NUDT14: variants seen among roughly 807,000 people sequenced by gnomAD.
The protein encoded by NUDT14 is nudix hydrolase 14, also known as uridine diphosphate glucose pyrophosphatase NUDT14.
In NUDT14, 22 loss-of-function variants were observed where a neutral mutation model predicts 17.5. The observed-to-expected ratio is 1.26, with a 90% CI of 0.90 to 1.80. The LOEUF (loss-of-function observed/expected upper bound fraction) is 1.80, where lower values mean the gene tolerates loss of function less well. NUDT14 is among the 40% of genes most tolerant of loss of function. NUDT14 has a pLI of 0.00. For missense variants in NUDT14, 296 were observed against 295.6 expected (o/e 1.00, Z -0.01); for synonymous variants, 129 against 125.8 (o/e 1.03, Z -0.17).
At chr14:105,178,290 G>A (rs1889259564) in intron 1 of NUDT14, among the ~76,000 whole-genome samples, 1 of 152,086 alleles carries the variant, frequency 6.6e-6, no homozygotes, top group African/African-American at 2.4e-5. Context: ...CCCCAGCCAG[G>A]TAGGAGATCG....
Position 105,173,204 on chromosome 14 carries a change from A to G in NUDT14, c.486T>C (p.Asp162=), listed in dbSNP as rs1595197564. The change falls in exon 5 of 5, where the codon GAT becomes GAC. Residue 162 remains aspartate, a synonymous_variant. Transcript: ENST00000392568. This position sits in a 1 kb window ranked among gnomAD's most constrained non-coding sequence, Gnocchi z 4.7. ...RQTMFYTEVT[D]AQRSGPGGGL... is the part of the protein sequence containing the mutation. ...CCCCACCTGGACCGCTACGCTGGGC[A>G]TCTGTCACCTCTGTGTAGAACATGG... The G allele has an allele frequency of 2.5e-6, 4 of 1,609,498 alleles. No homozygotes were observed. The highest frequency in any genetic ancestry group is 3.4e-6 in the Non-Finnish European group (4 of 1,178,548).
Position 105,176,985 on chromosome 14 carries a change from C to T in NUDT14, c.168G>A (p.Val56=), listed in dbSNP as rs1295708532. The change falls in exon 3 of 5, where the codon GTG becomes GTA. Residue 56 remains valine (V), a synonymous_variant. Coordinates refer to ENST00000392568, the MANE Select transcript of NUDT14 (RefSeq NM_177533.5). ...LLFNSSRRSL[V]LVKQFRPAVY... Reference sequence around the variant, plus strand: ...CACCTGGCCGGAACTGCTTCACCAACACCAGGCTCCTCCGAGAAGAGTTGA... The same window carrying T: ...CACCTGGCCGGAACTGCTTCACCAATACCAGGCTCCTCCGAGAAGAGTTGA... 6 of 1,612,072 alleles carry T rather than the reference C, an allele frequency of 3.7e-6. No individual in the cohort carries two copies. Among genetic ancestry groups the T allele is most frequent in the South Asian group, 1.1e-5 (1 of 90,956 alleles).
Position 105,173,103 on chromosome 14 carries a change from G to A in NUDT14, c.587C>T (p.Pro196Leu), listed in dbSNP as rs753782011. The A allele has an allele frequency of 9.4e-6, 15 of 1,589,462 alleles. No homozygotes were observed. The highest frequency in any genetic ancestry group is 6.8e-5 in the African/African-American group (5 of 73,962). The change falls in exon 5 of 5, where the codon CCG becomes CTG. Residue 196 changes from proline (P) to leucine (L), a missense_variant. By Grantham distance (98) the Pro-to-Leu change is moderately conservative. Transcript: ENST00000392568. This position sits in a 1 kb window ranked among gnomAD's most constrained non-coding sequence, Gnocchi z 4.7. ...LEGAQAFADDPDIPKTLGVIF... is the reference protein window; with the variant it reads ...LEGAQAFADDLDIPKTLGVIF... ...GACGCCGAGGGTCTTGGGGATGTCC[G>A]GGTCGTCTGCAAAGGCCTGGGCGCC... is the stretch of plus-strand genomic sequence containing the variant.
At chr14:105,180,321 C>T (rs1889300162) in intron 1 of NUDT14, among the ~76,000 whole-genome samples, 1 of 152,114 alleles carries the variant, frequency 6.6e-6, no homozygotes, top group Non-Finnish European at 1.5e-5. Context: ...AAACATTAGC[C>T]AGGTGTGGTG....
At position 105,173,995 on chromosome 14, in the gene NUDT14, T is replaced by G. The variant is rs1889160212; in HGVS notation, c.429-734A>C. ...AACCCACCAGGCCTTCCCGCAAGGGTTCCCCACCAGGCACCCACAGGACAC... is the reference window on the plus strand; with the variant it reads ...AACCCACCAGGCCTTCCCGCAAGGGGTCCCCACCAGGCACCCACAGGACAC... On this transcript the variant is annotated intron_variant, in intron 4 of 4. Coordinates refer to ENST00000392568, the MANE Select transcript of NUDT14 (RefSeq NM_177533.5). This position sits in a 1 kb window ranked among gnomAD's most constrained non-coding sequence, Gnocchi z 4.7. Among the ~76,000 whole-genome samples the G allele has an allele frequency of 6.6e-6, 1 of 151,722 alleles. No individual in the cohort carries two copies. The highest frequency in any genetic ancestry group is 1.5e-5 in the Non-Finnish European group (1 of 67,902).
chr14:105,181,216 GC>G lies in NUDT14; in HGVS notation c.-8del. The G allele has an allele frequency of 8.9e-7, 1 of 1,126,608 alleles. No individual in the cohort carries two copies. The highest frequency in any genetic ancestry group is 1.1e-6 in the Non-Finnish European group (1 of 914,530). 69.8% of individuals were successfully genotyped at this position (1,126,608 alleles called of 1,614,324 possible). ...CCCCCTCGATGCGCTCCATGGCGGC[GC>G]CCGGACAGGCGGGGGCCGCGAGCTC... is the stretch of plus-strand genomic sequence containing the variant. On this transcript the variant is annotated 5_prime_UTR_variant, in exon 1 of 5. Coordinates refer to ENST00000392568, the MANE Select transcript of NUDT14 (RefSeq NM_177533.5). This position sits in a 1 kb window ranked among gnomAD's most constrained non-coding sequence, Gnocchi z 5.0.
At position 105,176,533 on chromosome 14, in the gene NUDT14, C is replaced by G; in HGVS notation, c.428+1G>C. ...AGGCCTGAGGGCCTGGTCCCACTCA[C>G]CAGTATGTGGCGACCCGGCGCAGAT... On this transcript the variant is annotated splice_donor_variant, in intron 4 of 4. Coordinates refer to ENST00000392568, the MANE Select transcript of NUDT14 (RefSeq NM_177533.5). LOFTEE classifies it high-confidence loss of function. 4 of 1,610,436 alleles carry G rather than the reference C, an allele frequency of 2.5e-6. No individual in the cohort carries two copies. The highest frequency in any genetic ancestry group is 2.5e-6 in the Non-Finnish European group (3 of 1,177,822).
rs148480421 is a variant in NUDT14, at chr14:105,176,744, C to T, written c.218G>A (p.Arg73His). ...PAVYAGEVER[R>H]FPGSLAAVDQ... is the part of the protein sequence containing the mutation. Reference sequence around the variant, plus strand: ...TACAGCTGCTAGGGACCCTGGGAAGCGGCGCTCCACCTCACCCGCATACAC... The same window carrying T: ...TACAGCTGCTAGGGACCCTGGGAAGTGGCGCTCCACCTCACCCGCATACAC... Residue 73 changes from arginine to histidine, a missense_variant, in exon 4 of 5, where the codon CGC becomes CAC. Arg to His is a conservative substitution (Grantham distance 29, BLOSUM62 0). Transcript: ENST00000392568. 17 of 1,612,500 alleles carry T rather than the reference C, an allele frequency of 1.1e-5. No homozygotes were observed. Among genetic ancestry groups the T allele is most frequent in the East Asian group, 8.9e-5 (4 of 44,882 alleles).
At position 105,173,376 on chromosome 14, in the gene NUDT14, G is replaced by T; in HGVS notation, c.429-115C>A. ...CTCTGCTCCCTCCAGCCCTCCAGTA[G>T]GCAGGACTCTGGGATGCCCTCTCCC... On this transcript the variant is annotated intron_variant, in intron 4 of 4. Transcript: ENST00000392568. This position sits in a 1 kb window ranked among gnomAD's most constrained non-coding sequence, Gnocchi z 4.7. The T allele has an allele frequency of 8.1e-7, 1 of 1,230,166 alleles. No homozygotes were observed. The highest frequency in any genetic ancestry group is 1.1e-6 in the Non-Finnish European group (1 of 952,262). The allele number at this position is 1,230,166 out of a possible 1,614,324, so 76.2% of individuals were successfully genotyped here.
At chr14:105,176,470 G>A (rs587721979) in intron 4 of NUDT14, 64 bp downstream of exon 4, 47 of 1,300,740 alleles carry the variant, frequency 3.6e-5, no homozygotes, top group East Asian at 1.8e-4. Context: ...TCCCAGGGAC[G>A]GGGCCCTCAC....
At chr14:105,176,024 C>A (rs1016670768) in intron 4 of NUDT14, 3 of 1,236,508 alleles carry the variant, frequency 2.4e-6, no homozygotes, top group Non-Finnish European at 2.1e-6. Flanking sequence ...AACATCTAGT[C>A]CTGGGAAGGC....
rs773565271 is a variant in NUDT14 at position 105,173,252 on chromosome 14, C to T, written c.438G>A (p.Val146=). Residue 146 remains valine (V), a synonymous_variant, in exon 5 of 5, where the codon GTG becomes GTA. Transcript: ENST00000392568. The surrounding 1 kb of genome is among the most constrained non-coding windows in gnomAD (Gnocchi z 4.7). Reference sequence around the variant, plus strand: ...TGGTCTGTCTGGAGCCAGTCAGTCCCACTCCAGACCTACGGGTTGAGACAG... The same window carrying T: ...TGGTCTGTCTGGAGCCAGTCAGTCCTACTCCAGACCTACGGGTTGAGACAG... ...LRRVATYWSG[V]GLTGSRQTMF... is the part of the protein sequence containing the mutation. The T allele has an allele frequency of 6.5e-7, 1 of 1,549,228 alleles. No homozygotes were observed. The highest frequency in any genetic ancestry group is 8.7e-7 in the Non-Finnish European group (1 of 1,148,700).
Position 105,176,749 on chromosome 14 carries a change from C to T in NUDT14, c.213G>A (p.Glu71=). Residue 71 remains glutamate, a synonymous_variant, in exon 4 of 5, where the codon GAG becomes GAA. Coordinates refer to ENST00000392568, the MANE Select transcript of NUDT14 (RefSeq NM_177533.5). ...FRPAVYAGEV[E]RRFPGSLAAV... ...CTGCTAGGGACCCTGGGAAGCGGCGCTCCACCTCACCCGCATACACAGCTG... is the reference window on the plus strand; with the variant it reads ...CTGCTAGGGACCCTGGGAAGCGGCGTTCCACCTCACCCGCATACACAGCTG... 6.2e-7 allele frequency: 1 copy of T among 1,612,554 alleles called. No homozygotes were observed. Among genetic ancestry groups the T allele is most frequent in the Middle Eastern group, 1.7e-4 (1 of 6,060 alleles).
At chr14:105,175,022 G>C (rs1464761721) in intron 4 of NUDT14, among the ~76,000 whole-genome samples, 5 of 152,182 alleles carry the variant, frequency 3.3e-5, no homozygotes, top group Admixed American at 6.5e-5. Context: ...GCCACGGCCT[G>C]CTCTTCCCGA....
intron 4 of NUDT14, among the ~76,000 whole-genome samples, chr14:105,175,086 C>T (rs912485192): frequency 1.3e-5 from 2 of 152,238 alleles, no homozygotes; most frequent in African/African-American, 4.8e-5. Context: ...CTCCCCAGCA[C>T]CCTCACAATC....
intron 4 of NUDT14, among the ~76,000 whole-genome samples, chr14:105,175,197 C>A (rs1889184783): frequency 6.6e-6 from 1 of 152,202 alleles, no homozygotes; most frequent in Non-Finnish European, 1.5e-5. Context: ...GGAACCTGCC[C>A]AGGCCCACCT....
At chr14:105,177,130 C>G (rs1160424532) in intron 2 of NUDT14, 103 bp from the exon 3 acceptor site, 1 of 1,082,404 alleles carries the variant, frequency 9.2e-7, no homozygotes. Context: ...CACCTCCTTG[C>G]CAGCAGCCCA....
chr14:105,180,052 G>A (rs1353956362), intron 1 of NUDT14, among the ~76,000 whole-genome samples: 1 of 152,188 alleles, frequency 6.6e-6, no homozygotes, highest in Admixed American at 6.5e-5. Flanking sequence ...TGGCAGAGGG[G>A]AGATCTGCTG....
intron 1 of NUDT14, among the ~76,000 whole-genome samples, chr14:105,180,205 C>T (rs587765497): frequency 1.8e-4 from 27 of 152,178 alleles, no homozygotes; most frequent in Non-Finnish European, 3.2e-4. Context: ...ATGCCTCATG[C>T]CTGTAATCCC....
Sources: allele counts gnomAD v4.1 joint callset (sites outside exome capture counted in the v4.1 genomes callset), GRCh38; gene constraint gnomAD v4.1.1; non-coding constraint Gnocchi (gnomAD v3.1); transcripts MANE v1.5; gene names NCBI Gene and HGNC (gene_info 2026-07-23, HGNC 2026-07-21).